DNAAF9: variants seen among roughly 807,000 people sequenced by gnomAD.
DNAAF9 encodes the protein shulin.
Under a neutral mutation model 167.0 loss-of-function variants are expected in DNAAF9, and 90 were observed. The ratio of observed to expected loss-of-function variants is 0.54; its 90% confidence interval spans 0.45 to 0.64. DNAAF9 has a LOEUF of 0.64. Among genes scored for constraint, DNAAF9 ranks in the 30% least tolerant of loss-of-function variants. The probability of loss-of-function intolerance (pLI) is 0.00; values close to 1 mark genes in which losing one functional copy is unlikely to be tolerated. For synonymous variants in DNAAF9, 491 were observed against 508.8 expected (o/e 0.96, Z 0.47); for missense variants, 1,315 against 1,442.2 (o/e 0.91, Z 1.43).
chr20:3,403,655 A>G (rs1250474531), intron 1 of DNAAF9, among the ~76,000 whole-genome samples: 6 of 151,726 alleles, frequency 4.0e-5, no homozygotes, highest in Non-Finnish European at 8.8e-5. Context: ...CAAACATGCT[A>G]TAATATCTGC....
chr20:3,264,404 A>G (rs1199158584), intron 31 of DNAAF9, 34 bp downstream of exon 31: 2 of 942,578 alleles, frequency 2.1e-6, no homozygotes, highest in Admixed American at 2.0e-5. Flanking sequence ...GGTTTACAAA[A>G]AAATCTTAGT....
intron 34 of DNAAF9, 74 bp downstream of exon 34, chr20:3,255,932 C>A: frequency 3.5e-6 from 4 of 1,142,504 alleles, no homozygotes; most frequent in Non-Finnish European, 5.1e-6. Flanking sequence ...AGTGGCGGGG[C>A]TTCTCAGGGC....
Position 3,331,617 on chromosome 20 carries a change from G to A in DNAAF9, c.1063+663C>T, listed in dbSNP as rs529677314. Among the ~76,000 whole-genome samples the A allele has an allele frequency of 3.3e-5, 5 of 152,270 alleles. No homozygotes were observed. In the South Asian group the frequency reaches 1.0e-3, roughly 32 times the overall value. The stretch of plus-strand genomic sequence containing the variant: ...TCTTCTCACTTTCCTCACAAGAACA[G>A]TCCAGTGGGCACCTGGCTGAGTCAT... On this transcript the variant is annotated intron_variant, in intron 11 of 36. Transcript: ENST00000252032.
intron 6 of DNAAF9, among the ~76,000 whole-genome samples, chr20:3,371,042 CATCT>C (rs1380524543): frequency 6.6e-6 from 1 of 152,022 alleles, no homozygotes; most frequent in Non-Finnish European, 1.5e-5. Flanking sequence ...TCCACTTCAT[CATCT>C]TCCTTCCCAT....
chr20:3,265,556 C>G (rs557981799), intron 30 of DNAAF9, among the ~76,000 whole-genome samples: 18 of 107,936 alleles, frequency 1.7e-4, no homozygotes, highest in African/African-American at 6.3e-4. Flanking sequence ...GCCTGGGTGA[C>G]AGAGTGAGAC....
intron 3 of DNAAF9, 145 bp from the exon 4 acceptor site, chr20:3,376,447 T>C: frequency 1.4e-6 from 1 of 708,012 alleles, no homozygotes; most frequent in Non-Finnish European, 2.2e-6. Flanking sequence ...AATTAAGCAC[T>C]GTGCCTTGTA....
chr20:3,350,209 G>A (rs1449851474), intron 7 of DNAAF9, among the ~76,000 whole-genome samples: 1 of 145,894 alleles, frequency 6.9e-6, no homozygotes, highest in Non-Finnish European at 1.5e-5. Flanking sequence ...GCCAGGTATG[G>A]TGGCTCATGC....
At chr20:3,348,981 A>G (rs2123138554) in intron 7 of DNAAF9, among the ~76,000 whole-genome samples, 1 of 152,202 alleles carries the variant, frequency 6.6e-6, no homozygotes, top group African/African-American at 2.4e-5. Context: ...TGTTCTCTGT[A>G]AATTCACTAA....
At chr20:3,262,839 A>G (rs2068416284) in intron 31 of DNAAF9, among the ~76,000 whole-genome samples, 1 of 151,932 alleles carries the variant, frequency 6.6e-6, no homozygotes, top group Admixed American at 6.6e-5. Context: ...TGACCCACTT[A>G]CTCACTGTTT....
chr20:3,313,375 T>C (rs944717330), intron 20 of DNAAF9, among the ~76,000 whole-genome samples: 3 of 152,176 alleles, frequency 2.0e-5, no homozygotes, highest in Non-Finnish European at 2.9e-5. Flanking sequence ...TCTGTGTGAA[T>C]GAAGGGGCAG....
intron 10 of DNAAF9, among the ~76,000 whole-genome samples, chr20:3,332,692 G>A (rs1031792208): frequency 6.6e-6 from 1 of 151,116 alleles, no homozygotes; most frequent in African/African-American, 2.4e-5. Flanking sequence ...TCAAACTCCC[G>A]ACCTCAGGTT....
At chr20:3,353,852 G>C (rs1357949689) in intron 7 of DNAAF9, among the ~76,000 whole-genome samples, 1 of 152,086 alleles carries the variant, frequency 6.6e-6, no homozygotes, top group Non-Finnish European at 1.5e-5. Context: ...AGGGGTTACA[G>C]AGAAGAAGAT....
At chr20:3,306,799 C>T in intron 20 of DNAAF9, 2 of 516,320 alleles carry the variant, frequency 3.9e-6, no homozygotes, top group South Asian at 1.6e-4. Context: ...CTCCTTCCAT[C>T]AGCCCACAGA....
chr20:3,321,653 C>T (rs1053809555), intron 16 of DNAAF9, among the ~76,000 whole-genome samples: 1 of 152,186 alleles, frequency 6.6e-6, no homozygotes, highest in Non-Finnish European at 1.5e-5. Context: ...ACTGCAGTCT[C>T]AAACTCCTGG....
chr20:3,366,987 G>A (rs1031913915), intron 6 of DNAAF9, among the ~76,000 whole-genome samples: 13 of 151,950 alleles, frequency 8.6e-5, no homozygotes, highest in South Asian at 2.1e-4. Flanking sequence ...AGATGGCATC[G>A]TCTTCTTATA....
At chr20:3,370,412 C>G (rs886266322) in intron 6 of DNAAF9, among the ~76,000 whole-genome samples, 2 of 146,312 alleles carry the variant, frequency 1.4e-5, no homozygotes, top group Non-Finnish European at 3.0e-5. Context: ...CTGTGCCTCG[C>G]TAATTTTTTT....
At chr20:3,327,405 C>A (rs1258622068) in intron 12 of DNAAF9, among the ~76,000 whole-genome samples, 1 of 152,030 alleles carries the variant, frequency 6.6e-6, no homozygotes, top group East Asian at 1.9e-4. Context: ...TAGAATTGCC[C>A]TTGGTTGAGA....
At chr20:3,325,861 ATAATC>A (rs1328311318) in intron 13 of DNAAF9, among the ~76,000 whole-genome samples, 4 of 150,476 alleles carry the variant, frequency 2.7e-5, no homozygotes, top group African/African-American at 7.3e-5. Flanking sequence ...TCACAGTAGA[ATAATC>A]TAAAGTTGTC....
rs2122715249 is a variant in DNAAF9, at chr20:3,252,636, A to G, written c.3470T>C (p.Ile1157Thr). 1.2e-6 allele frequency: 2 copies of G among 1,613,118 alleles called. No individual in the cohort carries two copies. Among genetic ancestry groups the G allele is most frequent in the East Asian group, 2.2e-5 (1 of 44,866 alleles). The change falls in exon 37 of 37, where the codon ATT becomes ACT. Residue 1157 changes from isoleucine (I) to threonine (T), a missense_variant. Ile to Thr is a moderately conservative substitution (Grantham distance 89, BLOSUM62 -1). Around this residue, in one of 2 missense-constraint regions of DNAAF9, gnomAD observed 334 missense variants for 429.7 expected, o/e 0.78. Transcript: ENST00000252032. ...NDYVEEANRE[I>T]EKYNQELEQQ... Reference sequence around the variant, plus strand: ...TTCCAGCTCCTGGTTATACTTCTCAATTTCCCGGTTGGCTTCTTCCACGTA... The same window carrying G: ...TTCCAGCTCCTGGTTATACTTCTCAGTTTCCCGGTTGGCTTCTTCCACGTA...
Sources: gnomAD v4.1 joint callset for allele counts (sites outside exome capture counted in the v4.1 genomes callset) on GRCh38, gnomAD v4.1.1 for gene constraint, gnomAD v4.1.1 regional missense constraint, MANE v1.5 for transcripts, NCBI Gene and HGNC (gene_info 2026-07-23, HGNC 2026-07-21) for gene names.